Variants in DRD2 observed in about 807,000 individuals in gnomAD.
The protein encoded by DRD2 is dopamine receptor D2, also known as D(2) dopamine receptor.
Under a neutral mutation model 38.0 loss-of-function variants are expected in DRD2, and 8 were observed. The observed-to-expected ratio is 0.21, with a 90% confidence interval of 0.12 to 0.38. The LOEUF (loss-of-function observed/expected upper bound fraction) is 0.38, where lower values mean the gene tolerates loss of function less well. Ranked by LOEUF, DRD2 falls within the 10% of genes least tolerant of loss-of-function variation. The pLI is 1.00. For synonymous variants in DRD2, 230 were observed against 238.6 expected, an observed-to-expected ratio of 0.96 and a Z score of 0.33; for missense variants, 403 against 607.7, an observed-to-expected ratio of 0.66 and a Z score of 3.54.
chr11:113,467,069 T>C (rs888910874), intron 1 of DRD2, among the ~76,000 whole-genome samples: 2 of 151,982 alleles, frequency 1.3e-5, no homozygotes, highest in African/African-American at 4.8e-5. Context: ...TGGGAGGCGG[T>C]GCTGACATCC....
chr11:113,449,683 T>A (rs1380861035), intron 1 of DRD2, among the ~76,000 whole-genome samples: 2 of 151,290 alleles, frequency 1.3e-5, no homozygotes, highest in East Asian at 3.9e-4. Context: ...GGGAGGACTG[T>A]TAGCCAGTTA....
At position 113,410,566 on chromosome 11, in the gene DRD2, G is replaced by A. The variant is rs200907369; in HGVS notation, c.*161C>T. The A allele has an allele frequency of 6.7e-5, 60 of 899,290 alleles. No individual in the cohort carries two copies. The highest frequency in any genetic ancestry group is 3.3e-4 in the Middle Eastern group (1 of 3,046). The allele number at this position is 899,290 out of a possible 1,614,324, so 55.7% of individuals were successfully genotyped here. ...CTGCCCTGGCAGAGTGAGGGTGTGC[G>A]GGCAGTGAGGAGCATGGAGCCAAGC... is the stretch of plus-strand genomic sequence containing the variant. On this transcript the variant is annotated 3_prime_UTR_variant, in exon 8 of 8. Transcript: ENST00000362072.
In DRD2 at chr11:113,429,491, T is replaced by G. The variant is rs185715091; in HGVS notation, c.-31-4809A>C. On this transcript the variant is annotated intron_variant, in intron 1 of 7. Transcript: ENST00000362072. Reference sequence around the variant, plus strand: ...CGATCTCCTGACCTCATTATCTGCCTGCCTCGGCCTCCCAGAGTGCTGGGA... The same window carrying G: ...CGATCTCCTGACCTCATTATCTGCCGGCCTCGGCCTCCCAGAGTGCTGGGA... Among the ~76,000 whole-genome samples, 48 of 152,250 alleles carry G rather than the reference T, an allele frequency of 3.2e-4. No individual in the cohort carries two copies. In the East Asian group the frequency reaches 9.1e-3, roughly 29 times the overall value.
chr11:113,414,071 G>A, intron 6 of DRD2: 1 of 417,260 alleles, frequency 2.4e-6, no homozygotes, highest in Non-Finnish European at 4.5e-6. Context: ...GTCGTGGTGA[G>A]GATTTGATGA....
At chr11:113,448,540 C>T (rs1186126423) in intron 1 of DRD2, among the ~76,000 whole-genome samples, 2 of 152,226 alleles carry the variant, frequency 1.3e-5, no homozygotes, top group African/African-American at 4.8e-5. Flanking sequence ...GTGATGCTCT[C>T]TTGACAGCAG....
chr11:113,459,122 C>G (rs2119950465), intron 1 of DRD2, among the ~76,000 whole-genome samples: 1 of 152,270 alleles, frequency 6.6e-6, no homozygotes, highest in Non-Finnish European at 1.5e-5. Flanking sequence ...TCTCCGTTTC[C>G]TCCTCTGTAA....
At chr11:113,429,908 T>C (rs758214261) in intron 1 of DRD2, among the ~76,000 whole-genome samples, 2 of 152,240 alleles carry the variant, frequency 1.3e-5, no homozygotes, top group African/African-American at 2.4e-5. Context: ...AGATGACTCA[T>C]GGCCATGTGC....
intron 1 of DRD2, among the ~76,000 whole-genome samples, chr11:113,456,562 C>T (rs576425620): frequency 6.6e-6 from 1 of 152,156 alleles, no homozygotes; most frequent in Admixed American, 6.5e-5. Context: ...AATAAAAATA[C>T]AATTTTTTTT....
rs150503224 is a variant in DRD2 at position 113,424,693 on chromosome 11, A to G, written c.-31-11T>C. 84 of 1,612,962 alleles carry G rather than the reference A, an allele frequency of 5.2e-5. No homozygotes were observed. The African/African-American group carries it at 9.2e-4, about 18-fold the overall frequency. The stretch of plus-strand genomic sequence containing the variant: ...CTGGGTGGCCAGGCTCTGGCCAGGA[A>G]AAATGGACACAAGGTGTCAGTGAGA... On this transcript the variant is annotated splice_polypyrimidine_tract_variant and intron_variant, in intron 1 of 7. Coordinates refer to ENST00000362072, the MANE Select transcript of DRD2 (RefSeq NM_000795.4).
intron 1 of DRD2, among the ~76,000 whole-genome samples, chr11:113,466,748 C>T (rs932860805): frequency 1.3e-5 from 2 of 152,222 alleles, no homozygotes; most frequent in African/African-American, 4.8e-5. Flanking sequence ...CACTCACCCA[C>T]TCTCACTCAA....
At chr11:113,448,048 GC>G in intron 1 of DRD2, among the ~76,000 whole-genome samples, 1 of 152,262 alleles carries the variant, frequency 6.6e-6, no homozygotes, top group East Asian at 1.9e-4. Context: ...TACTGAGGGG[GC>G]TCTAGATGGT....
chr11:113,424,180 T>C (rs954046616), intron 2 of DRD2, among the ~76,000 whole-genome samples, 187 bp downstream of exon 2: 1 of 152,200 alleles, frequency 6.6e-6, no homozygotes, highest in Non-Finnish European at 1.5e-5. Flanking sequence ...CAAATGGTAG[T>C]TGGGATTATT....
In DRD2 at chr11:113,462,458, C is replaced by CA. The variant is rs1951331762; in HGVS notation, c.-32+12617dup. On this transcript the variant is annotated intron_variant, in intron 1 of 7. Transcript: ENST00000362072. ...ACCCTTATAAGAAGCAGAGAGGAGA[C>CA]AGAGAGCCATGGGGGAGAGACAATC... is the stretch of plus-strand genomic sequence containing the variant. Among the ~76,000 whole-genome samples, 3 of 152,182 alleles carry CA rather than the reference C, an allele frequency of 2.0e-5. No homozygotes were observed. The South Asian group carries it at 6.2e-4, about 32-fold the overall frequency.
intron 2 of DRD2, among the ~76,000 whole-genome samples, chr11:113,423,416 C>T (rs1184593486): frequency 6.6e-6 from 1 of 152,174 alleles, no homozygotes; most frequent in Non-Finnish European, 1.5e-5. Context: ...TCTGGGATTA[C>T]AGGCATATGC....
chr11:113,419,966 G>A (rs1314239138), intron 2 of DRD2, among the ~76,000 whole-genome samples: 3 of 152,216 alleles, frequency 2.0e-5, no homozygotes, highest in African/African-American at 7.2e-5. Flanking sequence ...CTGTGCTGCT[G>A]CGCTGACCAG....
At chr11:113,413,632 A>G (rs1266095271) in intron 6 of DRD2, among the ~76,000 whole-genome samples, 2 of 152,230 alleles carry the variant, frequency 1.3e-5, no homozygotes, top group African/African-American at 2.4e-5. Context: ...ACAGCTTCTT[A>G]GAGTCCTGCC....
intron 1 of DRD2, 198 bp from the exon 2 acceptor site, chr11:113,424,880 T>G: frequency 1.7e-6 from 1 of 592,906 alleles, no homozygotes; most frequent in South Asian, 2.0e-5. Context: ...GTAGGACAAA[T>G]GAGCAAACAC....
intron 2 of DRD2, 120 bp from the exon 3 acceptor site, chr11:113,418,256 G>T: frequency 1.2e-6 from 1 of 807,300 alleles, no homozygotes; most frequent in East Asian, 2.7e-5. Context: ...CAAGTCTTGT[G>T]GGCATCCAGC....
At position 113,412,480 on chromosome 11, in the gene DRD2, C is replaced by T. The variant is rs1565658983; in HGVS notation, c.1138+76G>A. ...AATGCTAGCCCCATGATCCTGCAGC[C>T]ATGGTTAGGAAGGACATGGCAGGGA... On this transcript the variant is annotated intron_variant, in intron 7 of 7. Coordinates refer to ENST00000362072, the MANE Select transcript of DRD2 (RefSeq NM_000795.4). 3 of 1,564,964 alleles carry T rather than the reference C, an allele frequency of 1.9e-6. No individual in the cohort carries two copies. The East Asian group carries it at 6.8e-5, about 35-fold the overall frequency.
Sources: allele counts gnomAD v4.1 joint callset (sites outside exome capture counted in the v4.1 genomes callset), GRCh38; gene constraint gnomAD v4.1.1; transcripts MANE v1.5; gene names NCBI Gene and HGNC (gene_info 2026-07-23, HGNC 2026-07-21).